MARCHF7: variants seen among roughly 807,000 people sequenced by gnomAD.
The protein encoded by MARCHF7 is membrane associated ring-CH-type finger 7.
MARCHF7 carries 20 observed loss-of-function variants against 76.5 expected under a neutral mutation model. The observed-to-expected ratio is 0.26, with a 90% confidence interval of 0.18 to 0.38. The LOEUF is 0.38. Ranked by LOEUF, MARCHF7 falls within the 10% of genes least tolerant of loss-of-function variation. The pLI, the probability that MARCHF7 is intolerant of heterozygous loss-of-function variation, is 1.00. For missense variants in MARCHF7, 797 were observed against 812.9 expected (o/e 0.98, Z 0.24); for synonymous variants, 295 against 293.0 (o/e 1.01, Z -0.07).
Position 159,769,621 on chromosome 2 carries a change from G to GCAC in MARCHF7, c.*2279_*2280insCAC, listed in dbSNP as rs1203571964. 6.9e-6 allele frequency: 1 copy of GCAC among 145,422 alleles called. No homozygotes were observed. The highest frequency in any genetic ancestry group is 2.0e-4 in the East Asian group (1 of 5,042). The allele number at this position is 145,422 out of a possible 1,614,324, so 9.0% of individuals were successfully genotyped here. A position where few individuals can be genotyped will look rare whatever the true frequency, so the allele number is the denominator to read the frequency against. ...AGATCGAGCCACTGCACTGTAGCCT[G>GCAC]GGCAGCACAGTGAGACTCCATCATA... On this transcript the variant is annotated 3_prime_UTR_variant, in exon 12 of 12. Coordinates refer to ENST00000409175, the MANE Select transcript of MARCHF7 (RefSeq NM_001282805.2).
intron 8 of MARCHF7, among the ~76,000 whole-genome samples, chr2:159,753,449 T>A (rs1705907955): frequency 6.6e-6 from 1 of 151,746 alleles, no homozygotes; most frequent in Non-Finnish European, 1.5e-5. Flanking sequence ...CGGGCGCCTG[T>A]AGTCCCAGCT....
chr2:159,718,256 G>T (rs1211395119), intron 3 of MARCHF7, among the ~76,000 whole-genome samples: 1 of 152,140 alleles, frequency 6.6e-6, no homozygotes, highest in Non-Finnish European at 1.5e-5. Flanking sequence ...TGGCTGATGT[G>T]CAAAAATTAG....
In MARCHF7 at chr2:159,770,846, T is replaced by TTGA. The variant is rs1708122956; in HGVS notation, c.*3506_*3508dup. The TTGA allele has an allele frequency of 6.6e-6, 1 of 152,134 alleles. No individual in the cohort carries two copies. 9.4% of individuals were successfully genotyped at this position (152,134 alleles called of 1,614,324 possible). A position where few individuals can be genotyped will look rare whatever the true frequency, so the allele number is the denominator to read the frequency against. On this transcript the variant is annotated 3_prime_UTR_variant, in exon 12 of 12. Coordinates refer to ENST00000409175, the MANE Select transcript of MARCHF7 (RefSeq NM_001282805.2). ...ATGCATTTCTTAGAACGTATCCCCA[T>TTGA]TGATAAGTGATACGTGACTAATTTA... is the stretch of plus-strand genomic sequence containing the variant.
intron 3 of MARCHF7, among the ~76,000 whole-genome samples, chr2:159,725,317 T>A (rs1277066736): frequency 6.6e-6 from 1 of 152,210 alleles, no homozygotes; most frequent in African/African-American, 2.4e-5. Flanking sequence ...AAAGTGTTCC[T>A]AATTCTCCAC....
intron 9 of MARCHF7, among the ~76,000 whole-genome samples, chr2:159,759,586 G>A (rs1284331031): frequency 6.6e-6 from 1 of 151,732 alleles, no homozygotes; most frequent in African/African-American, 2.4e-5. Flanking sequence ...ATAGCTGTAA[G>A]TTTTTTGAGA....
At chr2:159,756,423 A>G (rs896718418) in intron 8 of MARCHF7, among the ~76,000 whole-genome samples, 6 of 152,144 alleles carry the variant, frequency 3.9e-5, no homozygotes, top group African/African-American at 1.4e-4. Context: ...ATGGTGGCTC[A>G]CACCTGTAAT....
chr2:159,735,899 G>A (rs1163632765), intron 4 of MARCHF7, among the ~76,000 whole-genome samples: 1 of 152,132 alleles, frequency 6.6e-6, no homozygotes, highest in African/African-American at 2.4e-5. Flanking sequence ...GAGACAAAAC[G>A]GCAGGAGTAT....
chr2:159,723,503 A>G (rs1701848045), intron 3 of MARCHF7, among the ~76,000 whole-genome samples: 1 of 152,134 alleles, frequency 6.6e-6, no homozygotes. Flanking sequence ...CCTTTACCCC[A>G]TCTCTAGTCC....
chr2:159,765,096 C>CTA (rs1446157997), intron 11 of MARCHF7, among the ~76,000 whole-genome samples: 1 of 151,926 alleles, frequency 6.6e-6, no homozygotes, highest in East Asian at 1.9e-4. Context: ...CTGGGCTTAC[C>CTA]TATGATTCCA....
Position 159,728,900 on chromosome 2 carries a change from G to T in MARCHF7, c.-14-109G>T, listed in dbSNP as rs1447721384. ...TTCACAATTTACGTTGTCAGATATG[G>T]TTAATTTGTATGGTTAATTTTTTAT... On this transcript the variant is annotated intron_variant, in intron 3 of 11. Transcript: ENST00000409175. The T allele has an allele frequency of 5.0e-6, 3 of 595,648 alleles. No homozygotes were observed. The Admixed American group carries it at 1.2e-4, about 24-fold the overall frequency. 36.9% of individuals were successfully genotyped at this position (595,648 alleles called of 1,614,324 possible). A position where few individuals can be genotyped will look rare whatever the true frequency, so the allele number is the denominator to read the frequency against.
chr2:159,720,231 G>A (rs1299199775), intron 3 of MARCHF7, among the ~76,000 whole-genome samples: 2 of 152,180 alleles, frequency 1.3e-5, no homozygotes, highest in East Asian at 3.9e-4. Flanking sequence ...TCACCATGTT[G>A]GCCAGCCTGG....
intron 3 of MARCHF7, among the ~76,000 whole-genome samples, chr2:159,716,032 CAT>C (rs1700997260): frequency 6.6e-6 from 1 of 152,078 alleles, no homozygotes; most frequent in Non-Finnish European, 1.5e-5. Flanking sequence ...ACATCATAGT[CAT>C]ATTTTCTCAT....
At chr2:159,757,974 T>A (rs1209432548) in intron 8 of MARCHF7, among the ~76,000 whole-genome samples, 1 of 152,214 alleles carries the variant, frequency 6.6e-6, no homozygotes, top group Non-Finnish European at 1.5e-5. Flanking sequence ...TTGGACCTTA[T>A]GCCAAATTTT....
chr2:159,733,308 G>C, intron 4 of MARCHF7: 1 of 593,180 alleles, frequency 1.7e-6, no homozygotes, highest in Non-Finnish European at 2.1e-6. Flanking sequence ...CACAATCTCA[G>C]CTCACTGAAG....
At chr2:159,764,264 C>T (rs1470849915) in intron 10 of MARCHF7, among the ~76,000 whole-genome samples, 6 of 119,892 alleles carry the variant, frequency 5.0e-5, no homozygotes, top group Non-Finnish European at 8.5e-5. Context: ...GTGCGCGCGC[C>T]CACTGAAACT....
At chr2:159,737,084 C>A (rs1433451841) in intron 4 of MARCHF7, among the ~76,000 whole-genome samples, 1 of 152,156 alleles carries the variant, frequency 6.6e-6, no homozygotes, top group Non-Finnish European at 1.5e-5. Context: ...AAGAAAGAAA[C>A]CTCTTTAAAC....
At chr2:159,741,112 C>A (rs1560008552) in intron 4 of MARCHF7, among the ~76,000 whole-genome samples, 2 of 152,204 alleles carry the variant, frequency 1.3e-5, no homozygotes, top group Non-Finnish European at 1.5e-5. Context: ...TGGTGGCTCA[C>A]ACCTGTAATC....
chr2:159,733,162 T>A (rs1231589427), intron 4 of MARCHF7: 2 of 759,102 alleles, frequency 2.6e-6, no homozygotes, highest in Non-Finnish European at 3.2e-6. Flanking sequence ...TATAATGTTA[T>A]CCAAATATTA....
At chr2:159,763,032 G>A in intron 10 of MARCHF7, 39 bp downstream of exon 10, 1 of 1,327,868 alleles carries the variant, frequency 7.5e-7, no homozygotes, top group Non-Finnish European at 1.1e-6. Flanking sequence ...AGGGTATGAT[G>A]CAGCAAGTGT....
Sources: allele counts gnomAD v4.1 joint callset (sites outside exome capture counted in the v4.1 genomes callset), GRCh38; gene constraint gnomAD v4.1.1; transcripts MANE v1.5; gene names NCBI Gene and HGNC (gene_info 2026-07-23, HGNC 2026-07-21).